DTNB: variants seen among roughly 807,000 people sequenced by gnomAD.
The protein encoded by DTNB is dystrobrevin beta.
In DTNB, 63 loss-of-function variants were observed where a neutral mutation model predicts 90.7. The ratio of observed to expected loss-of-function variants is 0.69; its 90% CI spans 0.57 to 0.86. DTNB has a LOEUF of 0.86. Ranked by LOEUF, DTNB falls within the 40% of genes least tolerant of loss-of-function variation. The pLI is 0.00. For missense variants in DTNB, 744 were observed against 807.1 expected (o/e 0.92, Z 0.95); for synonymous variants, 277 against 286.7 (o/e 0.97, Z 0.34).
chr2:25,618,904 A>G (rs2071588503), intron 4 of DTNB, among the ~76,000 whole-genome samples: 1 of 152,186 alleles, frequency 6.6e-6, no homozygotes, highest in African/African-American at 2.4e-5. Flanking sequence ...AGAAAACACC[A>G]TTATTAGCTC....
At chr2:25,669,188 CAG>C (rs1320802812) in intron 1 of DTNB, among the ~76,000 whole-genome samples, 1 of 152,118 alleles carries the variant, frequency 6.6e-6, no homozygotes, top group Non-Finnish European at 1.5e-5. Flanking sequence ...GCTCTGGAGA[CAG>C]TGGTGATGGC....
chr2:25,459,944 T>TA (rs908850939), intron 10 of DTNB, among the ~76,000 whole-genome samples: 5 of 151,954 alleles, frequency 3.3e-5, no homozygotes, highest in Non-Finnish European at 5.9e-5. Context: ...CCCTCGTTTC[T>TA]AAAAAAAATT....
chr2:25,634,047 T>C (rs1257096307), intron 3 of DTNB, among the ~76,000 whole-genome samples: 5 of 151,458 alleles, frequency 3.3e-5, no homozygotes, highest in African/African-American at 1.2e-4. Context: ...TAGGAGCGTC[T>C]ACGCCCGGCA....
intron 4 of DTNB, among the ~76,000 whole-genome samples, chr2:25,626,068 T>C (rs1232634733): frequency 6.6e-6 from 1 of 152,082 alleles, no homozygotes; most frequent in Non-Finnish European, 1.5e-5. Flanking sequence ...AATAAATCTG[T>C]GTTGTTTATA....
chr2:25,494,467 G>C (rs1051152808), intron 9 of DTNB, among the ~76,000 whole-genome samples: 19 of 150,934 alleles, frequency 1.3e-4, no homozygotes, highest in Non-Finnish European at 1.5e-4. Context: ...AGTGGTAAGG[G>C]GGGTGGGGGG....
chr2:25,446,963 C>A (rs1047621323), intron 12 of DTNB, among the ~76,000 whole-genome samples: 3 of 152,036 alleles, frequency 2.0e-5, no homozygotes, highest in Non-Finnish European at 2.9e-5. Context: ...AATATATTTT[C>A]TAGTTCACTA....
intron 9 of DTNB, among the ~76,000 whole-genome samples, chr2:25,520,155 G>A (rs1239740067): frequency 1.3e-5 from 2 of 152,182 alleles, no homozygotes; most frequent in Non-Finnish European, 2.9e-5. Context: ...AGACCGAGGC[G>A]GGTGGATGAC....
At chr2:25,444,483 C>T (rs920707198) in intron 12 of DTNB, among the ~76,000 whole-genome samples, 3 of 149,782 alleles carry the variant, frequency 2.0e-5, no homozygotes, top group African/African-American at 4.9e-5. Context: ...TGCAGTAAGC[C>T]GAGATTGGGC....
rs763871899 is a variant in DTNB, at chr2:25,628,181, C to A, written c.352G>T (p.Ala118Ser). The A allele has an allele frequency of 7.4e-6, 12 of 1,613,658 alleles. No individual in the cohort carries two copies. In the Admixed American group the frequency reaches 2.0e-4, roughly 27 times the overall value. ...ISLLLNFMIA[A>S]YDSEGRGKLT... ...TAAGGTACTACTAGCCTGTCATATG[C>A]AGCAATCATAAAGTTGAGGAGGAGG... Residue 118 changes from alanine to serine, a missense_variant, in exon 4 of 21, where the codon GCA (alanine) becomes TCA (serine). Physicochemically the swap from Ala to Ser is moderately conservative, Grantham distance 99 (BLOSUM62 1). Transcript: ENST00000406818.
chr2:25,489,546 G>T (rs1032864757), intron 9 of DTNB, among the ~76,000 whole-genome samples: 4 of 152,148 alleles, frequency 2.6e-5, no homozygotes, highest in Non-Finnish European at 5.9e-5. Flanking sequence ...AGCCAGGCAT[G>T]ATGGAACCCA....
intron 16 of DTNB, among the ~76,000 whole-genome samples, chr2:25,413,785 G>T (rs879293496): frequency 1.3e-5 from 2 of 152,152 alleles, no homozygotes; most frequent in Non-Finnish European, 2.9e-5. Context: ...AATCCTTTGG[G>T]TATATACCCA....
chr2:25,397,877 CAAAAAAAAAA>C (rs56318909), intron 16 of DTNB, among the ~76,000 whole-genome samples: 7 of 73,154 alleles, frequency 9.6e-5, no homozygotes, highest in Admixed American at 1.5e-4. Flanking sequence ...AAGACTGTCT[CAAAAAAAAAA>C]AAAAAAAAAA....
At chr2:25,550,207 C>T (rs34040118) in intron 8 of DTNB, among the ~76,000 whole-genome samples, 33,099 of 151,792 alleles carry the variant, frequency 0.22, 4,285 homozygotes, top group Non-Finnish European at 0.29. Context: ...CTGGCTAACA[C>T]GGTGAAACCC....
intron 8 of DTNB, among the ~76,000 whole-genome samples, chr2:25,571,783 T>C (rs1227796055): frequency 6.6e-6 from 1 of 152,238 alleles, no homozygotes; most frequent in Admixed American, 6.5e-5. Flanking sequence ...TTGGAGACCA[T>C]TCTATTTGGT....
At chr2:25,472,501 A>C (rs1235118477) in intron 10 of DTNB, among the ~76,000 whole-genome samples, 1 of 152,214 alleles carries the variant, frequency 6.6e-6, no homozygotes, top group Non-Finnish European at 1.5e-5. Context: ...AGGGCCTTGT[A>C]AGCCACACTG....
chr2:25,649,578 G>T (rs909629371), intron 2 of DTNB, among the ~76,000 whole-genome samples: 2 of 152,032 alleles, frequency 1.3e-5, no homozygotes, highest in African/African-American at 2.4e-5. Context: ...AATTAGCCAG[G>T]CCTGCTGGCA....
intron 15 of DTNB, among the ~76,000 whole-genome samples, chr2:25,422,743 A>G (rs2050186782): frequency 6.6e-6 from 1 of 152,204 alleles, no homozygotes; most frequent in Non-Finnish European, 1.5e-5. Flanking sequence ...TGGAAAATGA[A>G]GTAGAACATG....
intron 15 of DTNB, among the ~76,000 whole-genome samples, chr2:25,421,874 A>G (rs1427245498): frequency 6.6e-6 from 1 of 152,222 alleles, no homozygotes; most frequent in African/African-American, 2.4e-5. Flanking sequence ...AATTTGCAGT[A>G]GATATATCAG....
At chr2:25,661,227 A>T (rs2083112845) in intron 1 of DTNB, among the ~76,000 whole-genome samples, 1 of 152,226 alleles carries the variant, frequency 6.6e-6, no homozygotes, top group Non-Finnish European at 1.5e-5. Flanking sequence ...ACTTAAATCT[A>T]AGTATCAAAA....
Sources: allele counts gnomAD v4.1 joint callset (sites outside exome capture counted in the v4.1 genomes callset), GRCh38; gene constraint gnomAD v4.1.1; transcripts MANE v1.5; gene names NCBI Gene and HGNC (gene_info 2026-07-23, HGNC 2026-07-21).